DNAH10: variants seen among roughly 807,000 people sequenced by gnomAD.
The protein encoded by DNAH10 is axonemal beta dynein heavy chain 10.
DNAH10 carries 348 observed loss-of-function variants against 506.6 expected under a neutral mutation model. The ratio of observed to expected loss-of-function variants is 0.69; its 90% CI spans 0.63 to 0.75. DNAH10 has a LOEUF of 0.75. Among genes scored for constraint, DNAH10 ranks in the 30% least tolerant of loss-of-function variants. The pLI is 0.00. For synonymous variants in DNAH10, 2,059 were observed against 2,198.6 expected, an observed-to-expected ratio of 0.94 and a Z score of 1.78; for missense variants, 5,179 against 5,787.1, an observed-to-expected ratio of 0.89 and a Z score of 3.41.
At position 123,850,873 on chromosome 12, in the gene DNAH10, C is replaced by T. The variant is rs1287094731; in HGVS notation, c.6103-15C>T. 1.8e-5 allele frequency: 28 copies of T among 1,596,548 alleles called. No homozygotes were observed. Among genetic ancestry groups the T allele is most frequent in the Non-Finnish European group, 1.9e-5 (22 of 1,168,852 alleles). Reference sequence around the variant, plus strand: ...CACCTAACTGCTTCTTTCTTTCTTCCTTCTTGCCCTCCAGTTTGAAGGGCA... The same window carrying T: ...CACCTAACTGCTTCTTTCTTTCTTCTTTCTTGCCCTCCAGTTTGAAGGGCA... On this transcript the variant is annotated splice_polypyrimidine_tract_variant and intron_variant, in intron 34 of 78. Transcript: ENST00000673944. The surrounding 1 kb of genome is among the most constrained non-coding windows in gnomAD (Gnocchi z 5.5).
In DNAH10 at chr12:123,873,626, T is replaced by C. The variant is rs755053000; in HGVS notation, c.7854T>C (p.Asn2618=). 1.2e-6 allele frequency: 2 copies of C among 1,613,780 alleles called. No homozygotes were observed. Among genetic ancestry groups the C allele is most frequent in the Admixed American group, 3.3e-5 (2 of 59,998 alleles). The change falls in exon 46 of 79, where the codon AAT becomes AAC. Residue 2618 remains asparagine, a synonymous_variant. Coordinates refer to ENST00000673944, the MANE Select transcript of DNAH10 (RefSeq NM_001372106.1). Reference sequence around the variant, plus strand: ...ATATCCAAAGAAATTTAGAAGCAAATGTGGAAAAGCGAACCAAAGATACTT... The same window carrying C: ...ATATCCAAAGAAATTTAGAAGCAAACGTGGAAAAGCGAACCAAAGATACTT... ...SMDIQRNLEA[N]VEKRTKDTYG...
At chr12:123,891,181 C>G (rs1952965839) in intron 52 of DNAH10, among the ~76,000 whole-genome samples, 1 of 152,090 alleles carries the variant, frequency 6.6e-6, no homozygotes, top group South Asian at 2.1e-4. Flanking sequence ...GAACTCCAGT[C>G]CCTGTCTTCG....
At chr12:123,819,389 C>A in intron 23 of DNAH10, 139 bp downstream of exon 23, 1 of 686,058 alleles carries the variant, frequency 1.5e-6, no homozygotes, top group Admixed American at 3.0e-5. Flanking sequence ...TTTTTCTTGG[C>A]TCATTTTAGT....
chr12:123,858,394 C>T (rs78476949), intron 37 of DNAH10, among the ~76,000 whole-genome samples: 4,151 of 152,194 alleles, frequency 0.027, 116 homozygotes, highest in African/African-American at 0.072. Flanking sequence ...CAGTGGGCAC[C>T]GGGTACCGGC....
At chr12:123,884,646 C>T (rs923310801) in intron 51 of DNAH10, among the ~76,000 whole-genome samples, 1 of 152,182 alleles carries the variant, frequency 6.6e-6, no homozygotes, top group African/African-American at 2.4e-5. Context: ...TCCTAAAAGC[C>T]CAACCTCCAA....
chr12:123,856,304 GTA>G (rs979626502), intron 36 of DNAH10, among the ~76,000 whole-genome samples: 51 of 148,874 alleles, frequency 3.4e-4, no homozygotes, highest in Admixed American at 3.0e-3. Context: ...ATATGTATGT[GTA>G]TATATATGTG....
chr12:123,818,841 C>A, intron 21 of DNAH10, 109 bp from the exon 22 acceptor site: 1 of 716,276 alleles, frequency 1.4e-6, no homozygotes, highest in Non-Finnish European at 2.4e-6. Context: ...ATTACCTAGC[C>A]TCCTGTTGCC....
At chr12:123,824,572 T>C (rs1432928973) in intron 24 of DNAH10, among the ~76,000 whole-genome samples, 1 of 152,014 alleles carries the variant, frequency 6.6e-6, no homozygotes, top group Non-Finnish European at 1.5e-5. Flanking sequence ...ACAACAGAAA[T>C]GTATCTCCTC....
Position 123,889,440 on chromosome 12 carries a change from A to G in DNAH10, c.8995+2127A>G, listed in dbSNP as rs1458073684. ...GGATTTATTCCACAGTGTTTATTCC[A>G]GACACTGGGTTTGGTAGGGAATAAG... On this transcript the variant is annotated intron_variant, in intron 52 of 78. Transcript: ENST00000673944. Among the ~76,000 whole-genome samples the G allele has an allele frequency of 2.6e-5, 4 of 152,256 alleles. No homozygotes were observed. In the East Asian group the frequency reaches 7.7e-4, roughly 29 times the overall value.
At chr12:123,781,431 C>A in intron 6 of DNAH10, 132 bp downstream of exon 6, 1 of 851,112 alleles carries the variant, frequency 1.2e-6, no homozygotes, top group Non-Finnish European at 1.8e-6. Flanking sequence ...GACGGGGTCT[C>A]ACTTTGTCGC....
At chr12:123,848,657 T>C (rs1951047071) in intron 33 of DNAH10, 73 bp from the exon 34 acceptor site, 1 of 1,563,030 alleles carries the variant, frequency 6.4e-7, no homozygotes, top group Non-Finnish European at 8.7e-7. Context: ...ATTTAGAAAA[T>C]ATATCCATAA....
intron 19 of DNAH10, 35 bp from the exon 20 acceptor site, chr12:123,813,129 A>T (rs1397750874): frequency 6.5e-7 from 1 of 1,535,290 alleles, no homozygotes; most frequent in South Asian, 1.2e-5. Flanking sequence ...TAGATACTAA[A>T]ATACTGTCTT....
rs557510209 is a variant in DNAH10, at chr12:123,833,137, G to A, written c.4569G>A (p.Thr1523=). ...IEKAVKEILD[T]WENMKFTVVK... is the part of the protein sequence containing the mutation. ...AGGCTGTGAAGGAAATCCTAGACAC[G>A]TGGGAAAATATGAAATTCACTGTAG... Residue 1523 remains threonine (T), a synonymous_variant, in exon 27 of 79, where the codon ACG becomes ACA. Transcript: ENST00000673944. 6.2e-6 allele frequency: 10 copies of A among 1,612,332 alleles called. No individual in the cohort carries two copies. Among genetic ancestry groups the A allele is most frequent in the Admixed American group, 1.7e-5 (1 of 59,814 alleles).
intron 41 of DNAH10, 46 bp downstream of exon 41, chr12:123,866,119 G>A: frequency 6.6e-7 from 1 of 1,505,256 alleles, no homozygotes; most frequent in Middle Eastern, 1.7e-4. Context: ...AGTATTGATG[G>A]CTAGTTGGAT....
At chr12:123,811,929 G>T (rs919048284) in intron 19 of DNAH10, among the ~76,000 whole-genome samples, 1 of 152,008 alleles carries the variant, frequency 6.6e-6, no homozygotes, top group African/African-American at 2.4e-5. Flanking sequence ...GAGCCAACGC[G>T]CCCCGCCTAG....
intron 28 of DNAH10, among the ~76,000 whole-genome samples, chr12:123,835,782 G>A (rs1961074808): frequency 6.6e-6 from 1 of 152,116 alleles, no homozygotes; most frequent in Non-Finnish European, 1.5e-5. Context: ...GTGCTGCCAT[G>A]CTCAGCTAAT....
At chr12:123,920,851 C>T (rs574704239) in intron 65 of DNAH10, among the ~76,000 whole-genome samples, 5 of 152,322 alleles carry the variant, frequency 3.3e-5, no homozygotes, top group African/African-American at 9.6e-5. Context: ...CTTACTGCAA[C>T]CTCCACCTCC....
intron 45 of DNAH10, among the ~76,000 whole-genome samples, chr12:123,872,467 C>T (rs962091757): frequency 6.6e-6 from 1 of 152,150 alleles, no homozygotes; most frequent in African/African-American, 2.4e-5. Context: ...TGCTCATCAG[C>T]CCAGCCAGGT....
chr12:123,887,189 G>A lies in DNAH10; in HGVS notation c.8871G>A (p.Arg2957=), dbSNP rs371952470. 7 of 1,612,924 alleles carry A rather than the reference G, an allele frequency of 4.3e-6. No homozygotes were observed. The highest frequency in any genetic ancestry group is 5.9e-6 in the Non-Finnish European group (7 of 1,179,550). ...LSRGYSENSF[R]EDLKSLYLKL... is the part of the protein sequence containing the mutation. ...GAGGCTACTCGGAGAACAGTTTCCG[G>A]GAAGACCTGAAGAGCCTCTATTTGA... is the stretch of plus-strand genomic sequence containing the variant. The change falls in exon 52 of 79, where the codon CGG becomes CGA. Residue 2957 remains arginine, a synonymous_variant. Coordinates refer to ENST00000673944, the MANE Select transcript of DNAH10 (RefSeq NM_001372106.1).
Sources: allele counts gnomAD v4.1 joint callset (sites outside exome capture counted in the v4.1 genomes callset), GRCh38; gene constraint gnomAD v4.1.1; non-coding constraint Gnocchi (gnomAD v3.1); transcripts MANE v1.5; gene names NCBI Gene and HGNC (gene_info 2026-07-23, HGNC 2026-07-21).